Variants in ACSM6 observed in about 807,000 individuals in gnomAD.
ACSM6 encodes the protein acyl-coenzyme A synthetase ACSM6, mitochondrial.
ACSM6 carries 35 observed loss-of-function variants against 51.1 expected under a neutral mutation model. The ratio of observed to expected loss-of-function variants is 0.69; its 90% CI spans 0.52 to 0.91. The LOEUF is 0.91. Among genes scored for constraint, ACSM6 ranks in the 40% least tolerant of loss-of-function variants. The probability of loss-of-function intolerance (pLI) is 0.00; values close to 1 mark genes in which losing one functional copy is unlikely to be tolerated. For missense variants in ACSM6, 509 were observed against 584.1 expected, an observed-to-expected ratio of 0.87 and a Z score of 1.32; for synonymous variants, 172 against 207.3, an observed-to-expected ratio of 0.83 and a Z score of 1.46.
Position 95,200,684 on chromosome 10 carries a change from G to A in ACSM6, c.193-1301G>A, listed in dbSNP as rs78253067. On this transcript the variant is annotated intron_variant, in intron 2 of 10. Transcript: ENST00000341686. ...TTCTATGGGCTGCTCCAGGGTGGAT[G>A]AGAAAAAGAGAAGAAAGGCAAGAGA... Among the ~76,000 whole-genome samples the A allele has an allele frequency of 2.6e-5, 4 of 151,956 alleles. No homozygotes were observed. The East Asian group carries it at 7.7e-4, about 29-fold the overall frequency.
chr10:95,227,792 G>A (rs1264633995), intron 10 of ACSM6, among the ~76,000 whole-genome samples: 2 of 152,232 alleles, frequency 1.3e-5, no homozygotes, highest in Non-Finnish European at 2.9e-5. Context: ...ATCTGGCCGG[G>A]CGCGGTGGCT....
intron 2 of ACSM6, among the ~76,000 whole-genome samples, chr10:95,194,934 G>A (rs1425359628): frequency 6.6e-6 from 1 of 152,200 alleles, no homozygotes; most frequent in Non-Finnish European, 1.5e-5. Context: ...TTTGTTATCA[G>A]TAAAATTGAG....
At chr10:95,220,612 T>A (rs1260848230) in intron 9 of ACSM6, among the ~76,000 whole-genome samples, 3 of 152,228 alleles carry the variant, frequency 2.0e-5, no homozygotes, top group Non-Finnish European at 2.9e-5. Context: ...AATAGTAAGT[T>A]CTCAACCTGA....
chr10:95,213,002 G>A (rs1482225633), intron 7 of ACSM6, 62 bp downstream of exon 7: 11 of 1,406,204 alleles, frequency 7.8e-6, no homozygotes, highest in African/African-American at 1.4e-5. Flanking sequence ...ATAAAATTAG[G>A]ACCCCTTAAT....
At chr10:95,207,536 A>C in intron 4 of ACSM6, 121 bp downstream of exon 4, 1 of 1,021,104 alleles carries the variant, frequency 9.8e-7, no homozygotes, top group Non-Finnish European at 1.5e-6. Flanking sequence ...ATTTCTATGC[A>C]AGATTAGATG....
chr10:95,194,712 G>A, intron 2 of ACSM6, 35 bp downstream of exon 2: 1 of 1,524,382 alleles, frequency 6.6e-7, no homozygotes, highest in Non-Finnish European at 8.9e-7. Flanking sequence ...GGAAACTTTG[G>A]CCAAGGCCAG....
At chr10:95,194,712 G>T (rs1181083919) in intron 2 of ACSM6, 35 bp downstream of exon 2, 1 of 1,524,382 alleles carries the variant, frequency 6.6e-7, no homozygotes, top group Admixed American at 2.0e-5. Flanking sequence ...GGAAACTTTG[G>T]CCAAGGCCAG....
intron 3 of ACSM6, among the ~76,000 whole-genome samples, chr10:95,204,349 C>T (rs1351972626): frequency 3.3e-5 from 5 of 152,032 alleles, no homozygotes; most frequent in Admixed American, 6.6e-5. Context: ...GTGAGGAGTT[C>T]GGGACCAACC....
At chr10:95,214,738 T>G in intron 7 of ACSM6, 114 bp from the exon 8 acceptor site, 1 of 1,223,394 alleles carries the variant, frequency 8.2e-7, no homozygotes. Flanking sequence ...CACCACTTAA[T>G]GAGCATTTCC....
intron 8 of ACSM6, among the ~76,000 whole-genome samples, chr10:95,219,029 C>T (rs1006126497): frequency 3.3e-5 from 5 of 152,274 alleles, no homozygotes; most frequent in African/African-American, 1.2e-4. Flanking sequence ...CCTATAGTCC[C>T]AGCACTTTAG....
At chr10:95,227,451 G>A (rs1024010907) in intron 10 of ACSM6, among the ~76,000 whole-genome samples, 9 of 151,998 alleles carry the variant, frequency 5.9e-5, no homozygotes, top group Admixed American at 1.3e-4. Context: ...AGTATCTCTC[G>A]TGGAGTTTTT....
At chr10:95,220,334 T>C (rs1025972871) in intron 9 of ACSM6, among the ~76,000 whole-genome samples, 2 of 152,202 alleles carry the variant, frequency 1.3e-5, no homozygotes, top group Admixed American at 1.3e-4. Flanking sequence ...ACTAAAAATA[T>C]ACTAAAGTGG....
intron 7 of ACSM6, among the ~76,000 whole-genome samples, chr10:95,214,388 T>TTA (rs35946340): frequency 0.53 from 79,968 of 151,914 alleles, 21,955 homozygotes; most frequent in Middle Eastern, 0.66. Context: ...TACTATTCTA[T>TTA]TGTTGGGGCG....
At chr10:95,224,611 G>T (rs759823387) in intron 9 of ACSM6, among the ~76,000 whole-genome samples, 1 of 151,880 alleles carries the variant, frequency 6.6e-6, no homozygotes, top group African/African-American at 2.4e-5. Context: ...TGTTGGTCAG[G>T]CTGGTCTCGA....
chr10:95,212,137 A>T, intron 6 of ACSM6, 103 bp downstream of exon 6: 1 of 1,385,800 alleles, frequency 7.2e-7, no homozygotes, highest in Non-Finnish European at 1.0e-6. Context: ...TCAAGAGTTA[A>T]ATTTGGAATG....
intron 2 of ACSM6, among the ~76,000 whole-genome samples, chr10:95,200,628 A>C (rs1481816338): frequency 6.6e-6 from 1 of 151,712 alleles, no homozygotes; most frequent in Non-Finnish European, 1.5e-5. Context: ...AAGAAGAAGA[A>C]GACTCTAAAC....
chr10:95,226,068 G>C (rs945282328), intron 10 of ACSM6: 4 of 152,178 alleles, frequency 2.6e-5, no homozygotes, highest in Non-Finnish European at 5.9e-5. Context: ...ACATTAGGTT[G>C]TCTCATTTTG....
At chr10:95,211,625 TTTAA>T (rs1482553903) in intron 5 of ACSM6, among the ~76,000 whole-genome samples, 1 of 152,218 alleles carries the variant, frequency 6.6e-6, no homozygotes, top group Non-Finnish European at 1.5e-5. Flanking sequence ...GATTAATTAA[TTTAA>T]TTAATTAATA....
chr10:95,212,010 C>T (rs1362804105), exon 6 of ACSM6: 1 of 1,614,088 alleles, frequency 6.2e-7, no homozygotes, highest in South Asian at 1.1e-5. Context: ...ACATGCCAAC[C>T]TTCTGCCCTG....
Sources: gnomAD v4.1 joint callset for allele counts (sites outside exome capture counted in the v4.1 genomes callset) on GRCh38, gnomAD v4.1.1 for gene constraint, MANE v1.5 for transcripts, NCBI Gene and HGNC (gene_info 2026-07-23, HGNC 2026-07-21) for gene names.